The following PCNX2 variants were observed in gnomAD, a reference collection of about 807,000 sequenced individuals.
The protein encoded by PCNX2 is pecanex 2.
PCNX2 carries 168 observed loss-of-function variants against 223.8 expected under a neutral mutation model. That is an observed-to-expected ratio of 0.75 (90% CI 0.66 to 0.85). The LOEUF is 0.85. PCNX2 is among the 40% of genes least tolerant of loss of function. PCNX2 has a pLI of 0.00. For synonymous variants in PCNX2, 1,006 were observed against 1,052.6 expected, an observed-to-expected ratio of 0.96 and a Z score of 0.86; for missense variants, 2,507 against 2,675.5, an observed-to-expected ratio of 0.94 and a Z score of 1.39.
chr1:233,205,621 A>G (rs140693543), intron 13 of PCNX2, among the ~76,000 whole-genome samples: 3,261 of 152,100 alleles, frequency 0.021, 116 homozygotes, highest in African/African-American at 0.073. Context: ...GCTTGAACCC[A>G]GGAGGCAGAG....
chr1:233,182,474 T>C lies in PCNX2; in HGVS notation c.3067-3299A>G, dbSNP rs149461408. Among the ~76,000 whole-genome samples the C allele has an allele frequency of 2.0e-3, 298 of 152,264 alleles. 1 individual carries two copies. The highest frequency in any genetic ancestry group is 7.0e-3 in the African/African-American group (290 of 41,562). ...CACAGATCCCACACTCTGTCCTTTG[T>C]ATAGTGACAGAGTGGTTCTCCTCTC... On this transcript the variant is annotated intron_variant, in intron 15 of 33. Coordinates refer to ENST00000258229, the MANE Select transcript of PCNX2 (RefSeq NM_014801.4).
At chr1:233,087,592 T>A (rs1673667956) in intron 23 of PCNX2, among the ~76,000 whole-genome samples, 1 of 151,790 alleles carries the variant, frequency 6.6e-6, no homozygotes, top group Admixed American at 6.6e-5. Context: ...CTTTCCAGAG[T>A]GTTTGTAAGG....
intron 25 of PCNX2, among the ~76,000 whole-genome samples, chr1:233,030,057 A>G (rs1671212314): frequency 6.6e-6 from 1 of 152,114 alleles, no homozygotes. Context: ...TCCATTTAGG[A>G]CTTGAATTAC....
At chr1:233,218,874 G>A (rs1657192352) in intron 10 of PCNX2, among the ~76,000 whole-genome samples, 1 of 152,082 alleles carries the variant, frequency 6.6e-6, no homozygotes, top group Admixed American at 6.5e-5. Flanking sequence ...GGTGGTAAGG[G>A]GGATGCATTC....
chr1:233,249,458 C>A (rs980652525), intron 8 of PCNX2, among the ~76,000 whole-genome samples: 2 of 152,208 alleles, frequency 1.3e-5, no homozygotes, highest in Non-Finnish European at 2.9e-5. Context: ...ACCATCATAA[C>A]GTCTAGAATG....
chr1:233,155,965 G>T (rs1159969), intron 19 of PCNX2, among the ~76,000 whole-genome samples: 42,932 of 151,930 alleles, frequency 0.28, 6,788 homozygotes, highest in East Asian at 0.57. Context: ...CTTAGCTTGG[G>T]GGGAAATATG....
chr1:233,227,510 A>G (rs1657815029), intron 9 of PCNX2, 139 bp from the exon 10 acceptor site: 2 of 760,716 alleles, frequency 2.6e-6, no homozygotes, highest in Non-Finnish European at 3.7e-6. Context: ...CAAATGTTCA[A>G]ATTCTGATAT....
At chr1:233,280,896 G>C (rs1200438089) in intron 1 of PCNX2, among the ~76,000 whole-genome samples, 1 of 152,004 alleles carries the variant, frequency 6.6e-6, no homozygotes, top group Non-Finnish European at 1.5e-5. Flanking sequence ...AAAGATTAAG[G>C]ACAATAAGTA....
At chr1:233,290,493 T>G (rs1236994114) in intron 1 of PCNX2, among the ~76,000 whole-genome samples, 1 of 152,186 alleles carries the variant, frequency 6.6e-6, no homozygotes, top group East Asian at 1.9e-4. Context: ...TTGTTGTATG[T>G]TTTAAACTTT....
chr1:233,127,084 T>C (rs1676146016), intron 21 of PCNX2, among the ~76,000 whole-genome samples: 1 of 152,196 alleles, frequency 6.6e-6, no homozygotes. Context: ...CCTATTCAGT[T>C]CCAAGACTCC....
intron 1 of PCNX2, chr1:233,293,869 G>T: frequency 1.3e-6 from 1 of 771,870 alleles, no homozygotes. Context: ...CCTGGTGAGG[G>T]CTGTGCTCCT....
In PCNX2 at chr1:232,991,893, C is replaced by T. The variant is rs541923883; in HGVS notation, c.5792-5353G>A. ...TGTTTAAGCCACCTGAGCCATGGTA[C>T]TTTGTCATGGCAGCCCAAGCAGACT... On this transcript the variant is annotated intron_variant, in intron 32 of 33. Coordinates refer to ENST00000258229, the MANE Select transcript of PCNX2 (RefSeq NM_014801.4). The surrounding 1 kb of genome is among the most constrained non-coding windows in gnomAD (Gnocchi z 4.3). Among the ~76,000 whole-genome samples the T allele has an allele frequency of 6.6e-6, 1 of 152,300 alleles. No homozygotes were observed. The highest frequency in any genetic ancestry group is 2.1e-4 in the South Asian group (1 of 4,826).
chr1:233,240,408 C>T (rs1658688999), intron 8 of PCNX2, among the ~76,000 whole-genome samples: 1 of 152,134 alleles, frequency 6.6e-6, no homozygotes, highest in South Asian at 2.1e-4. Flanking sequence ...AACTTAAAGC[C>T]AAAGCGTTTC....
upstream of PCNX2, among the ~76,000 whole-genome samples, chr1:233,297,366 A>C (rs189510982): frequency 6.6e-6 from 1 of 152,222 alleles, no homozygotes; most frequent in Non-Finnish European, 1.5e-5. Flanking sequence ...ATAAACCACA[A>C]GAGGAGGCAG....
intron 9 of PCNX2, among the ~76,000 whole-genome samples, chr1:233,233,424 CTG>C (rs57458756): frequency 0.052 from 7,283 of 140,198 alleles, 207 homozygotes; most frequent in African/African-American, 0.078. Flanking sequence ...TCCTCTTCTC[CTG>C]TGTGTGTGTG....
chr1:233,179,557 TAAAAAATG>T (rs1414237298), intron 15 of PCNX2, among the ~76,000 whole-genome samples: 2 of 152,128 alleles, frequency 1.3e-5, no homozygotes, highest in Non-Finnish European at 2.9e-5. Flanking sequence ...CTAAATGGCA[TAAAAAATG>T]TAAAAATGAC....
At position 233,282,624 on chromosome 1, in the gene PCNX2, T is replaced by C. The variant is rs74147363; in HGVS notation, c.153+12702A>G. Among the ~76,000 whole-genome samples, 452 of 152,286 alleles carry C rather than the reference T, an allele frequency of 3.0e-3. 3 individuals carry two copies. Among genetic ancestry groups the C allele is most frequent in the African/African-American group, 0.01 (435 of 41,560 alleles). ...CCCTAAAAATGAACTGATCATTAAA[T>C]CCTATCAAAATCTATCCATGATTCT... is the stretch of plus-strand genomic sequence containing the variant. On this transcript the variant is annotated intron_variant, in intron 1 of 33. Transcript: ENST00000258229.
intron 13 of PCNX2, chr1:233,202,285 A>G: frequency 2.3e-6 from 1 of 438,306 alleles, no homozygotes; most frequent in Non-Finnish European, 4.7e-6. Flanking sequence ...CATACCACTG[A>G]GTGGGCCTAT....
chr1:233,079,495 T>A lies in PCNX2; in HGVS notation c.4076+10566A>T, dbSNP rs1262084933. The stretch of plus-strand genomic sequence containing the variant: ...ATGAGCCGAGATCATGCCATTACAC[T>A]CCAGCCTGGGCGACAGTGCAACACT... On this transcript the variant is annotated intron_variant, in intron 23 of 33. Transcript: ENST00000258229. Among the ~76,000 whole-genome samples, 3 of 135,170 alleles carry A rather than the reference T, an allele frequency of 2.2e-5. No individual in the cohort carries two copies. The Admixed American group carries it at 2.4e-4, about 11-fold the overall frequency. 88.7% of individuals were successfully genotyped at this position (135,170 alleles called of 152,430 possible).
Sources: allele counts gnomAD v4.1 joint callset (sites outside exome capture counted in the v4.1 genomes callset), GRCh38; gene constraint gnomAD v4.1.1; non-coding constraint Gnocchi (gnomAD v3.1); transcripts MANE v1.5; gene names NCBI Gene and HGNC (gene_info 2026-07-23, HGNC 2026-07-21).